The following SYT1 variants were observed in gnomAD, a reference collection of about 807,000 sequenced individuals.
SYT1 encodes synaptotagmin-1.
SYT1 carries 8 observed loss-of-function variants against 44.8 expected under a neutral mutation model. The observed-to-expected ratio is 0.18, with a 90% CI of 0.10 to 0.32. The LOEUF (loss-of-function observed/expected upper bound fraction) is 0.32. SYT1 is among the 10% of genes least tolerant of loss of function. The probability of loss-of-function intolerance (pLI) is 1.00; values close to 1 mark genes in which losing one functional copy is unlikely to be tolerated. For synonymous variants in SYT1, 154 were observed against 188.8 expected, an observed-to-expected ratio of 0.82 and a Z score of 1.51; for missense variants, 286 against 509.3, an observed-to-expected ratio of 0.56 and a Z score of 4.22.
chr12:79,437,782 G>T (rs1186858005), intron 9 of SYT1, among the ~76,000 whole-genome samples: 3 of 152,130 alleles, frequency 2.0e-5, no homozygotes, highest in Non-Finnish European at 2.9e-5. Flanking sequence ...TTTAACAGAG[G>T]TAGCAATAAT....
At chr12:79,180,492 A>G (rs1163013445) in intron 3 of SYT1, among the ~76,000 whole-genome samples, 2 of 148,266 alleles carry the variant, frequency 1.3e-5, no homozygotes, top group African/African-American at 2.5e-5. Flanking sequence ...TTTTTTTAAA[A>G]AAAGGAGTTT....
At chr12:79,176,253 C>A (rs1871857662) in intron 3 of SYT1, among the ~76,000 whole-genome samples, 1 of 148,684 alleles carries the variant, frequency 6.7e-6, no homozygotes, top group African/African-American at 2.5e-5. Flanking sequence ...TCACTCCATT[C>A]ACTCCAGCCT....
intron 4 of SYT1, among the ~76,000 whole-genome samples, chr12:79,242,950 C>T (rs1876599957): frequency 6.6e-6 from 1 of 152,166 alleles, no homozygotes; most frequent in Non-Finnish European, 1.5e-5. Flanking sequence ...ATTTAATGGA[C>T]TCACAGTACC....
chr12:79,284,489 T>C (rs1206712484), intron 4 of SYT1, among the ~76,000 whole-genome samples: 3 of 152,106 alleles, frequency 2.0e-5, no homozygotes, highest in African/African-American at 7.2e-5. Context: ...TTTATGTTTT[T>C]TCATATGTCC....
intron 2 of SYT1, among the ~76,000 whole-genome samples, chr12:79,026,670 TATATATA>T (rs1565769641): frequency 9.8e-5 from 3 of 30,488 alleles, no homozygotes; most frequent in Non-Finnish European, 1.9e-4. Context: ...ATATATTTTA[TATATATA>T]TATATATATA....
chr12:79,012,118 T>G (rs1871448355), intron 2 of SYT1, among the ~76,000 whole-genome samples: 1 of 137,550 alleles, frequency 7.3e-6, no homozygotes, highest in Admixed American at 7.6e-5. Context: ...GGTGACAGAA[T>G]GAGATTCTGT....
intron 4 of SYT1, among the ~76,000 whole-genome samples, chr12:79,221,197 CA>C (rs1875137142): frequency 6.6e-6 from 1 of 151,864 alleles, no homozygotes; most frequent in Non-Finnish European, 1.5e-5. Flanking sequence ...TTTCTTTTTG[CA>C]ACTTTTGCTT....
chr12:79,039,099 A>C (rs968912042), intron 2 of SYT1, among the ~76,000 whole-genome samples: 4 of 151,952 alleles, frequency 2.6e-5, no homozygotes, highest in Non-Finnish European at 5.9e-5. Context: ...TAATTCTGTA[A>C]ATAGACTATG....
At chr12:79,263,395 A>AT (rs1877944029) in intron 4 of SYT1, among the ~76,000 whole-genome samples, 1 of 151,968 alleles carries the variant, frequency 6.6e-6, no homozygotes, top group Non-Finnish European at 1.5e-5. Context: ...ACATTTACCC[A>AT]TATCTGCCCA....
At chr12:78,915,407 C>G (rs1331324291) in intron 1 of SYT1, among the ~76,000 whole-genome samples, 3 of 151,964 alleles carry the variant, frequency 2.0e-5, no homozygotes, top group Non-Finnish European at 4.4e-5. Context: ...TGAAAAAGCT[C>G]TGGCCTCGCT....
At chr12:79,106,020 G>A (rs535224939) in intron 3 of SYT1, among the ~76,000 whole-genome samples, 1 of 152,320 alleles carries the variant, frequency 6.6e-6, no homozygotes, top group African/African-American at 2.4e-5. Context: ...AGGAGCCTGA[G>A]AGAATATATA....
chr12:79,229,495 C>T (rs1368229799), intron 4 of SYT1, among the ~76,000 whole-genome samples: 2 of 152,112 alleles, frequency 1.3e-5, no homozygotes, highest in African/African-American at 4.8e-5. Context: ...GAAAGTGTGT[C>T]TGTGTGTGTA....
chr12:78,970,673 A>G (rs899920320), intron 1 of SYT1, among the ~76,000 whole-genome samples: 3 of 152,200 alleles, frequency 2.0e-5, no homozygotes, highest in Admixed American at 1.3e-4. Flanking sequence ...GATGTGATAA[A>G]TAATCTGCTA....
intron 1 of SYT1, among the ~76,000 whole-genome samples, chr12:78,922,411 AT>A (rs1033152435): frequency 6.6e-6 from 1 of 151,780 alleles, no homozygotes; most frequent in Non-Finnish European, 1.5e-5. Context: ...ATCATATAAA[AT>A]GTTGTTTATT....
At chr12:79,167,921 A>G (rs544377001) in intron 3 of SYT1, among the ~76,000 whole-genome samples, 54 of 152,068 alleles carry the variant, frequency 3.6e-4, no homozygotes, top group African/African-American at 1.3e-3. Flanking sequence ...GATCCCTCAC[A>G]TGTGCAGTCT....
chr12:79,440,899 G>A (rs946946878), intron 9 of SYT1, among the ~76,000 whole-genome samples: 11 of 152,108 alleles, frequency 7.2e-5, no homozygotes, highest in Admixed American at 6.5e-4. Flanking sequence ...AAAAAGTTAC[G>A]AACAAGCTAA....
At chr12:79,307,459 G>A (rs1187028556) in intron 8 of SYT1, among the ~76,000 whole-genome samples, 2 of 152,136 alleles carry the variant, frequency 1.3e-5, no homozygotes, top group Non-Finnish European at 2.9e-5. Flanking sequence ...GAATACAGTG[G>A]TGAATAAGAT....
intron 1 of SYT1, among the ~76,000 whole-genome samples, chr12:78,921,187 A>G (rs537554164): frequency 6.6e-6 from 1 of 151,980 alleles, no homozygotes; most frequent in Non-Finnish European, 1.5e-5. Context: ...TTAATATTCT[A>G]TAATGAACAG....
intron 4 of SYT1, among the ~76,000 whole-genome samples, chr12:79,268,534 A>AATGC (rs1217085337): frequency 1.6e-4 from 24 of 152,230 alleles, no homozygotes; most frequent in African/African-American, 5.8e-4. Flanking sequence ...TGAATGAATG[A>AATGC]ATGAGTCTCT....
Sources: gnomAD v4.1 joint callset for allele counts (sites outside exome capture counted in the v4.1 genomes callset) on GRCh38, gnomAD v4.1.1 for gene constraint, MANE v1.5 for transcripts, NCBI Gene and HGNC (gene_info 2026-07-23, HGNC 2026-07-21) for gene names.